TRIM34: variants seen among roughly 807,000 people sequenced by gnomAD.
TRIM34 encodes E3 ubiquitin-protein ligase TRIM34.
TRIM34 carries 41 observed loss-of-function variants against 38.1 expected under a neutral mutation model. The ratio of observed to expected loss-of-function variants is 1.08; its 90% confidence interval spans 0.84 to 1.40. TRIM34 has a LOEUF of 1.40. Among genes scored for constraint, TRIM34 ranks in the 40% most tolerant of loss-of-function variants. TRIM34 has a pLI of 0.00. For synonymous variants in TRIM34, 200 were observed against 202.5 expected, an observed-to-expected ratio of 0.99 and a Z score of 0.10; for missense variants, 556 against 571.4, an observed-to-expected ratio of 0.97 and a Z score of 0.27.
In TRIM34 at chr11:5,634,524, CACACACATATATAT is replaced by C. The variant is rs1420952041; in HGVS notation, c.520-105_520-92del. The C allele has an allele frequency of 4.4e-5, 30 of 676,862 alleles. 1 individual carries two copies. In the African/African-American group the frequency reaches 6.0e-4, roughly 14 times the overall value. 41.9% of individuals were successfully genotyped at this position (676,862 alleles called of 1,614,324 possible). ...ACACACACACACACACACACACACA[CACACACATATATAT>C]ATATATATATTTCCCTACTGGCTCC... On this transcript the variant is annotated intron_variant, in intron 3 of 7. Transcript: ENST00000429814.
chr11:5,623,727 T>C (rs1446452330), upstream of TRIM34, among the ~76,000 whole-genome samples: 1 of 152,058 alleles, frequency 6.6e-6, no homozygotes, highest in Non-Finnish European at 1.5e-5. Flanking sequence ...TGCACTAACC[T>C]GATAGTAATT....
chr11:5,632,971 C>T (rs1217807369), intron 2 of TRIM34, among the ~76,000 whole-genome samples: 67 of 146,866 alleles, frequency 4.6e-4, no homozygotes, highest in Non-Finnish European at 4.8e-4. Flanking sequence ...GGATTACAGG[C>T]GCCTGCCACC....
chr11:5,621,090 T>A (rs1848978598), upstream of TRIM34, among the ~76,000 whole-genome samples: 1 of 152,180 alleles, frequency 6.6e-6, no homozygotes, highest in African/African-American at 2.4e-5. Context: ...CCAGCACTCA[T>A]CCATAGCAAC....
intron 7 of TRIM34, 112 bp from the exon 8 acceptor site, chr11:5,643,029 TTCG>T: frequency 7.7e-7 from 1 of 1,291,704 alleles, no homozygotes. Flanking sequence ...ACTTCCCAAG[TTCG>T]TTCATCACCA....
Position 5,634,667 on chromosome 11 carries a change from G to A in TRIM34, c.556G>A (p.Glu186Lys), listed in dbSNP as rs752262132. 4 of 1,613,670 alleles carry A rather than the reference G, an allele frequency of 2.5e-6. No individual in the cohort carries two copies. The highest frequency in any genetic ancestry group is 2.7e-5 in the African/African-American group (2 of 74,812). ...AACTGAGAGACAAAGGATACAAACA[G>A]AATTTGATCAGCTTAGAAGCATCCT... The part of the protein sequence containing the change: ...VQTERQRIQT[E>K]FDQLRSILNN... The change falls in exon 4 of 8, where the codon GAA (glutamate) becomes AAA (lysine). Residue 186 changes from glutamate to lysine, a missense_variant. By Grantham distance (56) the Glu-to-Lys change is moderately conservative. Coordinates refer to ENST00000429814, the MANE Select transcript of TRIM34 (RefSeq NM_021616.6).
intron 4 of TRIM34, among the ~76,000 whole-genome samples, chr11:5,640,478 G>C (rs1849959552): frequency 6.6e-6 from 1 of 151,068 alleles, no homozygotes; most frequent in African/African-American, 2.5e-5. Flanking sequence ...GCATTTCTGG[G>C]ATAAATTCTA....
At chr11:5,637,396 G>A (rs1849793655) in intron 4 of TRIM34, among the ~76,000 whole-genome samples, 1 of 152,132 alleles carries the variant, frequency 6.6e-6, no homozygotes, top group African/African-American at 2.4e-5. Flanking sequence ...ACAGAAAGAC[G>A]CTCAACTTGA....
In TRIM34 at chr11:5,632,356, G is replaced by A. The variant is rs772770208; in HGVS notation, c.25G>A (p.Val9Ile). 26 of 1,614,056 alleles carry A rather than the reference G, an allele frequency of 1.6e-5. No individual in the cohort carries two copies. The highest frequency in any genetic ancestry group is 5.3e-5 in the African/African-American group (4 of 75,014). Residue 9 changes from valine (V) to isoleucine (I), a missense_variant, in exon 2 of 8, where the codon GTA becomes ATA. Physicochemically the swap from Val to Ile is conservative, Grantham distance 29. Coordinates refer to ENST00000429814, the MANE Select transcript of TRIM34 (RefSeq NM_021616.6). ...AATGGCTTCAAAAATCTTGCTTAAC[G>A]TACAAGAGGAGGTGACCTGTCCCAT... MASKILLN[V>I]QEEVTCPICL...
chr11:5,642,345 T>C (rs12792498), intron 5 of TRIM34, 61 bp from the exon 6 acceptor site: 653,430 of 1,451,748 alleles, frequency 0.45, 153,136 homozygotes, highest in Non-Finnish European at 0.49. Context: ...AAACCAGTGA[T>C]GTGGGAGGGA....
In TRIM34 at chr11:5,633,666, C is replaced by T. The variant is rs867533884; in HGVS notation, c.424-138C>T. On this transcript the variant is annotated intron_variant, in intron 2 of 7. Transcript: ENST00000429814. The stretch of plus-strand genomic sequence containing the variant: ...CATCTCCTCAAAATTTTCCCCATGT[C>T]ATAGATTCTAATCACCAGCTTCACA... 30 of 786,180 alleles carry T rather than the reference C, an allele frequency of 3.8e-5. No individual in the cohort carries two copies. In the Middle Eastern group the frequency reaches 1.5e-3, roughly 40 times the overall value. The allele number at this position is 786,180 out of a possible 1,614,324, so 48.7% of individuals were successfully genotyped here.
At chr11:5,642,567 G>GT in intron 6 of TRIM34, 61 bp downstream of exon 6, 2 of 1,570,078 alleles carry the variant, frequency 1.3e-6, no homozygotes, top group South Asian at 1.2e-5. Flanking sequence ...GTAATAAACT[G>GT]TCTAGGTGGG....
intron 7 of TRIM34, 55 bp downstream of exon 7, chr11:5,642,898 A>C: frequency 6.2e-7 from 1 of 1,605,790 alleles, no homozygotes; most frequent in Non-Finnish European, 8.5e-7. Context: ...TCAGAAGTTT[A>C]TGGTTTCAAT....
chr11:5,638,957 T>C (rs1849864739), intron 4 of TRIM34, among the ~76,000 whole-genome samples: 1 of 152,110 alleles, frequency 6.6e-6, no homozygotes, highest in South Asian at 2.1e-4. Context: ...TGCCTTCACG[T>C]GGGAGTGCAC....
At chr11:5,636,940 A>C (rs1849761674) in intron 4 of TRIM34, among the ~76,000 whole-genome samples, 1 of 152,110 alleles carries the variant, frequency 6.6e-6, no homozygotes, top group South Asian at 2.1e-4. Flanking sequence ...AGGTCAGGAG[A>C]TCGAGATCAT....
rs1554923115 is a variant in TRIM34 at position 5,643,124 on chromosome 11, T to TAC, written c.902-19_902-18insCA. On this transcript the variant is annotated intron_variant, in intron 7 of 7. Transcript: ENST00000429814. ...GATTATATTCATATACATATATATATATTTTTTTTTTTCTTGCAGTGGATG... is the reference window on the plus strand; with the variant it reads ...GATTATATTCATATACATATATATATACATTTTTTTTTTTCTTGCAGTGGATG... 3 of 1,133,134 alleles carry TAC rather than the reference T, an allele frequency of 2.6e-6. No individual in the cohort carries two copies. Among genetic ancestry groups the TAC allele is most frequent in the Non-Finnish European group, 2.2e-6 (2 of 897,556 alleles). The allele number at this position is 1,133,134 out of a possible 1,614,324, so 70.2% of individuals were successfully genotyped here.
At position 5,642,639 on chromosome 11, in the gene TRIM34, T is replaced by C. The variant is rs186254623; in HGVS notation, c.874+133T>C. 129 of 1,383,746 alleles carry C rather than the reference T, an allele frequency of 9.3e-5. No homozygotes were observed. The African/African-American group carries it at 1.7e-3, about 18-fold the overall frequency. 85.7% of individuals were successfully genotyped at this position (1,383,746 alleles called of 1,614,324 possible). ...TCAGAGAATAAGGAATATTCTGTGG[T>C]GAAGAGGATGCATTTATATGTAAGG... On this transcript the variant is annotated intron_variant, in intron 6 of 7. Coordinates refer to ENST00000429814, the MANE Select transcript of TRIM34 (RefSeq NM_021616.6).
At chr11:5,622,006 G>A (rs1016760170), upstream of TRIM34, among the ~76,000 whole-genome samples, 1 of 152,050 alleles carries the variant, frequency 6.6e-6, no homozygotes, top group East Asian at 1.9e-4. Context: ...CTTCAGCCTT[G>A]GTAAAATAAA....
At chr11:5,634,909 T>C (rs372510799) in intron 4 of TRIM34, 48 bp downstream of exon 4, 2 of 1,580,516 alleles carry the variant, frequency 1.3e-6, no homozygotes, top group Non-Finnish European at 1.7e-6. Context: ...AGTTCCCTCC[T>C]GTGTCCTTGC....
chr11:5,634,995 T>C, intron 4 of TRIM34, 134 bp downstream of exon 4: 2 of 839,868 alleles, frequency 2.4e-6, no homozygotes, highest in Non-Finnish European at 3.5e-6. Context: ...CTAGATGTCA[T>C]GGACATGAAT....
Sources: allele counts gnomAD v4.1 joint callset (sites outside exome capture counted in the v4.1 genomes callset), GRCh38; gene constraint gnomAD v4.1.1; transcripts MANE v1.5; gene names NCBI Gene and HGNC (gene_info 2026-07-23, HGNC 2026-07-21).